MPV17L: variants seen among roughly 807,000 people sequenced by gnomAD.
The protein encoded by MPV17L is mpv17-like protein.
MPV17L carries 24 observed loss-of-function variants against 25.8 expected under a neutral mutation model. That is an observed-to-expected ratio of 0.93 (90% CI 0.67 to 1.31). The LOEUF is 1.31. MPV17L is among the 50% of genes most tolerant of loss of function. The probability of loss-of-function intolerance (pLI) is 0.00; values close to 1 mark genes in which losing one functional copy is unlikely to be tolerated. For synonymous variants in MPV17L, 102 were observed against 115.3 expected, an observed-to-expected ratio of 0.88 and a Z score of 0.74; for missense variants, 250 against 265.6, an observed-to-expected ratio of 0.94 and a Z score of 0.41.
intron 2 of MPV17L, among the ~76,000 whole-genome samples, chr16:15,406,755 G>C (rs1431487596): frequency 6.6e-6 from 1 of 151,922 alleles, no homozygotes; most frequent in Non-Finnish European, 1.5e-5. Flanking sequence ...GTAAAACCCT[G>C]TCTCTACTAA....
rs1214008892 is a variant in MPV17L, at chr16:15,401,072, A to ATG, written c.381+216_381+217insGT. 1.4e-3 allele frequency among the ~76,000 whole-genome samples: 38 copies of ATG among 26,866 alleles called. No individual in the cohort carries two copies. In the East Asian group the frequency reaches 0.041, roughly 29 times the overall value. 17.6% of individuals were successfully genotyped at this position (26,866 alleles called of 152,430 possible). A position where few individuals can be genotyped will look rare whatever the true frequency, so the allele number is the denominator to read the frequency against. On this transcript the variant is annotated intron_variant, in intron 2 of 3. Coordinates refer to ENST00000396385, the MANE Select transcript of MPV17L (RefSeq NM_001128423.2). The stretch of plus-strand genomic sequence containing the variant: ...TATGTGTGTGTGTATATATATATAT[A>ATG]TATATATATATATATTTTTTTTTTT...
rs1229527518 is a variant in MPV17L at position 15,411,101 on chromosome 16, G to C, written c.*2989G>C. 6.6e-6 allele frequency: 1 copy of C among 152,280 alleles called. No homozygotes were observed. The highest frequency in any genetic ancestry group is 1.9e-4 in the East Asian group (1 of 5,182). The allele number at this position is 152,280 out of a possible 1,614,324, so 9.4% of individuals were successfully genotyped here. ...CAAAAAATTAGCTGGGCATGGTGGC[G>C]GGCGCCTGTAGTCCCAGCTGCTCTG... is the stretch of plus-strand genomic sequence containing the variant. On this transcript the variant is annotated 3_prime_UTR_variant, in exon 4 of 4. Transcript: ENST00000396385.
At position 15,411,930 on chromosome 16, in the gene MPV17L, CAG is replaced by C. The variant is rs886545229; in HGVS notation, c.*3820_*3821del. ...AATATAAAAAGTATTAAAGTACTAA[CAG>C]AAGAAAATTTCCACTGATCACCCTT... On this transcript the variant is annotated 3_prime_UTR_variant, in exon 4 of 4. Transcript: ENST00000396385. The C allele has an allele frequency of 8.5e-5, 13 of 152,172 alleles. No individual in the cohort carries two copies. Among genetic ancestry groups the C allele is most frequent in the Admixed American group, 4.6e-4 (7 of 15,268 alleles). 9.4% of individuals were successfully genotyped at this position (152,172 alleles called of 1,614,324 possible). A position where few individuals can be genotyped will look rare whatever the true frequency, so the allele number is the denominator to read the frequency against.
At position 15,409,496 on chromosome 16, in the gene MPV17L, C is replaced by T. The variant is rs2050714166; in HGVS notation, c.*1384C>T. On this transcript the variant is annotated 3_prime_UTR_variant, in exon 4 of 4. Transcript: ENST00000396385. The stretch of plus-strand genomic sequence containing the variant: ...TAATCCTCCCACCCTTAAGAAGGTT[C>T]TTTTTAATTCTCCCCACCCTTGAGA... 6.6e-6 allele frequency: 1 copy of T among 152,124 alleles called. No homozygotes were observed. The highest frequency in any genetic ancestry group is 1.5e-5 in the Non-Finnish European group (1 of 68,022). The allele number at this position is 152,124 out of a possible 1,614,324, so 9.4% of individuals were successfully genotyped here. A position where few individuals can be genotyped will look rare whatever the true frequency, so the allele number is the denominator to read the frequency against.
At chr16:15,405,454 T>C (rs1432044281) in intron 2 of MPV17L, among the ~76,000 whole-genome samples, 3 of 150,952 alleles carry the variant, frequency 2.0e-5, no homozygotes, top group Non-Finnish European at 3.0e-5. Context: ...GTTTTAATTT[T>C]TTTTTTTTTT....
At chr16:15,396,327 G>A (rs2050583539) in intron 1 of MPV17L, 120 bp downstream of exon 1, 31 of 1,306,124 alleles carry the variant, frequency 2.4e-5, no homozygotes, top group Non-Finnish European at 2.8e-5. Flanking sequence ...CCGGGCAGGA[G>A]CCGGGGCTCT....
At chr16:15,396,683 G>C (rs1421282070) in intron 1 of MPV17L, among the ~76,000 whole-genome samples, 1 of 152,172 alleles carries the variant, frequency 6.6e-6, no homozygotes, top group African/African-American at 2.4e-5. Flanking sequence ...TCCACGCCTG[G>C]GGCCCCGGGG....
chr16:15,400,918 G>A (rs2150905282), intron 2 of MPV17L, 61 bp downstream of exon 2: 1 of 1,015,800 alleles, frequency 9.8e-7, no homozygotes, highest in South Asian at 2.7e-5. Context: ...ATATATATGT[G>A]TATAAAAATA....
intron 2 of MPV17L, among the ~76,000 whole-genome samples, chr16:15,403,905 C>T (rs531632387): frequency 1.8e-3 from 275 of 152,144 alleles, no homozygotes; most frequent in Non-Finnish European, 2.6e-3. Context: ...GGATGGCTCA[C>T]GCCTGTAATC....
At chr16:15,401,966 C>G (rs2050643155) in intron 2 of MPV17L, among the ~76,000 whole-genome samples, 1 of 152,154 alleles carries the variant, frequency 6.6e-6, no homozygotes, top group African/African-American at 2.4e-5. Context: ...ACAATTTATT[C>G]TGTAAATTTG....
intron 1 of MPV17L, 88 bp from the exon 2 acceptor site, chr16:15,400,699 T>C (rs1222214289): frequency 2.0e-5 from 17 of 852,026 alleles, no homozygotes; most frequent in Non-Finnish European, 2.4e-5. Flanking sequence ...GATGGTTACT[T>C]TGCATTTTGG....
chr16:15,406,815 A>G (rs2050684662), intron 2 of MPV17L, among the ~76,000 whole-genome samples: 1 of 152,108 alleles, frequency 6.6e-6, no homozygotes, highest in Non-Finnish European at 1.5e-5. Context: ...GATCCCAGCT[A>G]CTCAGGAAGC....
At chr16:15,396,251 G>A in intron 1 of MPV17L, 44 bp downstream of exon 1, 1 of 1,532,230 alleles carries the variant, frequency 6.5e-7, no homozygotes, top group Admixed American at 2.0e-5. Context: ...CCCAGTATTG[G>A]GGGACTGGAG....
At chr16:15,396,616 G>A (rs114697650) in intron 1 of MPV17L, among the ~76,000 whole-genome samples, 11,469 of 152,194 alleles carry the variant, frequency 0.075, 565 homozygotes, top group Admixed American at 0.16. Context: ...CGTAGCAGCT[G>A]CAATGACCGT....
At chr16:15,404,448 C>T (rs1439860814) in intron 2 of MPV17L, among the ~76,000 whole-genome samples, 1 of 152,158 alleles carries the variant, frequency 6.6e-6, no homozygotes, top group Non-Finnish European at 1.5e-5. Context: ...GTAATCCTAA[C>T]ACTTTGGGAG....
At position 15,395,809 on chromosome 16, in the gene MPV17L, G is replaced by A; in HGVS notation, c.-89G>A. The A allele has an allele frequency of 8.3e-7, 1 of 1,208,338 alleles. No homozygotes were observed. Among genetic ancestry groups the A allele is most frequent in the Non-Finnish European group, 1.1e-6 (1 of 930,240 alleles). The allele number at this position is 1,208,338 out of a possible 1,614,324, so 74.9% of individuals were successfully genotyped here. On this transcript the variant is annotated 5_prime_UTR_variant, in exon 1 of 4. Coordinates refer to ENST00000396385, the MANE Select transcript of MPV17L (RefSeq NM_001128423.2). ...TGCAGGTGCCGGCTGCTGCAGTGCA[G>A]TAGCTGCTGGAGGCTGGGGAGGCCC...
rs149227909 is a variant in MPV17L, at chr16:15,398,977, G to A, written c.311-1810G>A. Among the ~76,000 whole-genome samples, 316 of 152,170 alleles carry A rather than the reference G, an allele frequency of 2.1e-3. 1 individual carries two copies. Among genetic ancestry groups the A allele is most frequent in the African/African-American group, 7.4e-3 (307 of 41,542 alleles). The stretch of plus-strand genomic sequence containing the variant: ...GGAAGGGGATAGAGTGGAGGTTTGC[G>A]TAAGGCTTTACATGGAAATTGCAGG... On this transcript the variant is annotated intron_variant, in intron 1 of 3. Transcript: ENST00000396385.
rs920211813 is a variant in MPV17L at position 15,395,969 on chromosome 16, C to T, written c.72C>T (p.Tyr24=). The change falls in exon 1 of 4, where the codon TAC becomes TAT. Residue 24 remains tyrosine, a synonymous_variant. Coordinates refer to ENST00000396385, the MANE Select transcript of MPV17L (RefSeq NM_001128423.2). ...RHPWPTNVLL[Y]GSLVSAGDAL... Reference sequence around the variant, plus strand: ...CGTGGCCCACCAACGTGCTGCTTTACGGCTCGCTCGTCTCGGCCGGGGACG... The same window carrying T: ...CGTGGCCCACCAACGTGCTGCTTTATGGCTCGCTCGTCTCGGCCGGGGACG... The T allele has an allele frequency of 1.9e-5, 28 of 1,511,978 alleles. No individual in the cohort carries two copies. Among genetic ancestry groups the T allele is most frequent in the African/African-American group, 1.4e-4 (10 of 69,638 alleles). The allele number at this position is 1,511,978 out of a possible 1,614,324, so 93.7% of individuals were successfully genotyped here. A position where few individuals can be genotyped will look rare whatever the true frequency, so the allele number is the denominator to read the frequency against.
At position 15,395,971 on chromosome 16, in the gene MPV17L, G is replaced by A; in HGVS notation, c.74G>A (p.Gly25Asp). 1.3e-6 allele frequency: 2 copies of A among 1,513,150 alleles called. No homozygotes were observed. Among genetic ancestry groups the A allele is most frequent in the Non-Finnish European group, 1.8e-6 (2 of 1,138,788 alleles). The allele number at this position is 1,513,150 out of a possible 1,614,324, so 93.7% of individuals were successfully genotyped here. Residue 25 changes from glycine (G) to aspartate (D), a missense_variant, in exon 1 of 4, where the codon GGC becomes GAC. Transcript: ENST00000396385. Reference protein sequence around the residue: ...HPWPTNVLLYGSLVSAGDALQ... With the variant: ...HPWPTNVLLYDSLVSAGDALQ... ...TGGCCCACCAACGTGCTGCTTTACG[G>A]CTCGCTCGTCTCGGCCGGGGACGCG...
Sources: allele counts gnomAD v4.1 joint callset (sites outside exome capture counted in the v4.1 genomes callset), GRCh38; gene constraint gnomAD v4.1.1; transcripts MANE v1.5; gene names NCBI Gene and HGNC (gene_info 2026-07-23, HGNC 2026-07-21).